The following DCAF1 variants were observed in gnomAD, a reference collection of about 807,000 sequenced individuals.
DCAF1 encodes the protein DDB1 and CUL4 associated factor 1.
In DCAF1, 15 loss-of-function variants were observed where a neutral mutation model predicts 128.0. The observed-to-expected ratio is 0.12, with a 90% confidence interval of 0.08 to 0.18. The LOEUF (loss-of-function observed/expected upper bound fraction) is 0.18. DCAF1 is among the 10% of genes least tolerant of loss of function. The pLI is 1.00. For synonymous variants in DCAF1, 610 were observed against 603.0 expected (o/e 1.01, Z -0.17); for missense variants, 988 against 1,649.5 (o/e 0.60, Z 6.95).
intron 6 of DCAF1, among the ~76,000 whole-genome samples, chr3:51,454,682 T>C (rs1163907797): frequency 4.7e-5 from 7 of 150,024 alleles, no homozygotes; most frequent in Middle Eastern, 3.8e-3. Context: ...TGTTTTGTTT[T>C]GTTTTTTTTG....
chr3:51,437,535 G>T, intron 9 of DCAF1: 1 of 345,220 alleles, frequency 2.9e-6, no homozygotes, highest in South Asian at 2.3e-5. Flanking sequence ...ATAACAGGGG[G>T]CTGGGCACAG....
chr3:51,485,103 C>G (rs1553654811), intron 2 of DCAF1, among the ~76,000 whole-genome samples: 1 of 152,096 alleles, frequency 6.6e-6, no homozygotes, highest in African/African-American at 2.4e-5. Flanking sequence ...TTAGTAGAAA[C>G]AGGGTTTCAC....
chr3:51,415,631 A>C (rs1042884314), intron 18 of DCAF1, among the ~76,000 whole-genome samples: 1 of 152,126 alleles, frequency 6.6e-6, no homozygotes, highest in Non-Finnish European at 1.5e-5. Flanking sequence ...TTGGTTACTC[A>C]GGCTGGAGTA....
intron 7 of DCAF1, among the ~76,000 whole-genome samples, chr3:51,443,161 T>C (rs1430059369): frequency 1.3e-5 from 2 of 152,222 alleles, no homozygotes; most frequent in East Asian, 3.8e-4. Context: ...TGTATATATG[T>C]AGTTGTTCAC....
chr3:51,454,097 C>T (rs1218401840), intron 6 of DCAF1, among the ~76,000 whole-genome samples: 4 of 152,078 alleles, frequency 2.6e-5, no homozygotes, highest in African/African-American at 7.2e-5. Context: ...GGCTGGAGTG[C>T]GGCAGCACGA....
At chr3:51,425,789 C>G (rs1490934260) in intron 13 of DCAF1, among the ~76,000 whole-genome samples, 2 of 151,654 alleles carry the variant, frequency 1.3e-5, no homozygotes, top group African/African-American at 2.4e-5. Context: ...GTCTCGAACT[C>G]CTGATCTCAA....
chr3:51,480,581 A>G (rs1706060315), intron 3 of DCAF1, among the ~76,000 whole-genome samples: 3 of 141,402 alleles, frequency 2.1e-5, no homozygotes, highest in Admixed American at 1.5e-4. Context: ...CCTGGGCGAC[A>G]GAGCTAGAGT....
rs1703736115 is a variant in DCAF1, at chr3:51,462,709, G to A, written c.375+405C>T. Among the ~76,000 whole-genome samples the A allele has an allele frequency of 1.4e-5, 2 of 139,002 alleles. 1 individual carries two copies. The highest frequency in any genetic ancestry group is 3.0e-5 in the Non-Finnish European group (2 of 66,436). 91.2% of individuals were successfully genotyped at this position (139,002 alleles called of 152,430 possible). A position where few individuals can be genotyped will look rare whatever the true frequency, so the allele number is the denominator to read the frequency against. ...TGTAGTGAGCTGAAATTGTGCCACT[G>A]CACTCCAGCATGGGTGACAAAGCAA... On this transcript the variant is annotated intron_variant, in intron 6 of 24. Transcript: ENST00000684031.
chr3:51,484,160 G>A (rs1706625904), intron 2 of DCAF1, among the ~76,000 whole-genome samples: 2 of 151,966 alleles, frequency 1.3e-5, no homozygotes, highest in South Asian at 4.1e-4. Context: ...CAAAAAATAT[G>A]GTACCTTTCC....
At chr3:51,450,487 C>CA (rs1246463749) in intron 6 of DCAF1, among the ~76,000 whole-genome samples, 81 of 152,028 alleles carry the variant, frequency 5.3e-4, no homozygotes, top group Non-Finnish European at 1.0e-3. Flanking sequence ...CAACTGATAC[C>CA]AAAAAAATGT....
At chr3:51,505,607 G>T in the DCAF1 span, among the ~76,000 whole-genome samples, 1 of 152,238 alleles carries the variant, frequency 6.6e-6, no homozygotes, top group Non-Finnish European at 1.5e-5. Flanking sequence ...AGCCCCCTCT[G>T]CCCTGCTCCT....
intron 2 of DCAF1, among the ~76,000 whole-genome samples, chr3:51,494,136 G>A (rs1292722064): frequency 7.1e-6 from 1 of 140,010 alleles, no homozygotes; most frequent in African/African-American, 2.6e-5. Context: ...TTTTTGAGAT[G>A]GAGTCTCACT....
chr3:51,434,022 C>T (rs1700604978), intron 9 of DCAF1, among the ~76,000 whole-genome samples: 1 of 150,784 alleles, frequency 6.6e-6, no homozygotes, highest in Non-Finnish European at 1.5e-5. Context: ...ACGGAGGTTG[C>T]AGTGCACCAA....
chr3:51,473,060 TG>T (rs1704950217), intron 3 of DCAF1, among the ~76,000 whole-genome samples: 1 of 148,272 alleles, frequency 6.7e-6, no homozygotes, highest in Non-Finnish European at 1.5e-5. Context: ...GCCGATCACC[TG>T]AGGTCAGGAG....
intron 2 of DCAF1, among the ~76,000 whole-genome samples, chr3:51,486,957 CT>C (rs1243736951): frequency 1.4e-5 from 2 of 147,236 alleles, no homozygotes; most frequent in African/African-American, 5.0e-5. Context: ...TTAAAACAAA[CT>C]TTTTTTCTTT....
chr3:51,438,029 GT>G, intron 9 of DCAF1: 1 of 393,880 alleles, frequency 2.5e-6, no homozygotes, highest in Non-Finnish European at 4.9e-6. Flanking sequence ...TTTTATACCT[GT>G]TATATGTTCA....
At chr3:51,398,901 A>C (rs2089430019) in intron 24 of DCAF1, 74 bp from the exon 25 acceptor site, 3 of 1,526,338 alleles carry the variant, frequency 2.0e-6, no homozygotes, top group Middle Eastern at 1.7e-4. Context: ...AAGCACCTGC[A>C]CTCACATACA....
chr3:51,443,979 T>G, intron 6 of DCAF1, 76 bp from the exon 7 acceptor site: 1 of 1,415,538 alleles, frequency 7.1e-7, no homozygotes, highest in Non-Finnish European at 9.5e-7. Flanking sequence ...AAGATTTCAG[T>G]CTCATGAAAA....
At chr3:51,459,628 C>T (rs1703317107) in intron 6 of DCAF1, among the ~76,000 whole-genome samples, 1 of 152,198 alleles carries the variant, frequency 6.6e-6, no homozygotes, top group African/African-American at 2.4e-5. Context: ...AGACCAATAT[C>T]CTTGATGAAC....
Sources: allele counts gnomAD v4.1 joint callset (sites outside exome capture counted in the v4.1 genomes callset), GRCh38; gene constraint gnomAD v4.1.1; transcripts MANE v1.5; gene names NCBI Gene and HGNC (gene_info 2026-07-23, HGNC 2026-07-21).